The following CCDC60 variants were observed in gnomAD, a reference collection of about 807,000 sequenced individuals.
The protein encoded by CCDC60 is coiled-coil domain-containing protein 60.
Under a neutral mutation model 63.5 loss-of-function variants are expected in CCDC60, and 54 were observed. The ratio of observed to expected loss-of-function variants is 0.85; its 90% CI spans 0.68 to 1.07. CCDC60 has a LOEUF of 1.07. Among genes scored for constraint, CCDC60 ranks in the 50% least tolerant of loss-of-function variants. The pLI is 0.00. For missense variants in CCDC60, 651 were observed against 684.3 expected (o/e 0.95, Z 0.54); for synonymous variants, 206 against 238.8 (o/e 0.86, Z 1.27).
intron 1 of CCDC60, among the ~76,000 whole-genome samples, chr12:119,378,285 T>C (rs1371693384): frequency 6.6e-6 from 1 of 152,198 alleles, no homozygotes; most frequent in Non-Finnish European, 1.5e-5. Flanking sequence ...AGGTAGCCTT[T>C]TCCTATTGAC....
At chr12:119,385,581 C>A (rs1414402314) in intron 1 of CCDC60, among the ~76,000 whole-genome samples, 1 of 152,252 alleles carries the variant, frequency 6.6e-6, no homozygotes, top group East Asian at 1.9e-4. Flanking sequence ...CCATGTGGAA[C>A]TATGAGTCCA....
At chr12:119,452,950 G>A (rs1474948014) in intron 2 of CCDC60, among the ~76,000 whole-genome samples, 2 of 152,166 alleles carry the variant, frequency 1.3e-5, no homozygotes, top group African/African-American at 4.8e-5. Flanking sequence ...AACCTCCAGA[G>A]TAGCTGGGAT....
chr12:119,474,664 C>G (rs940463092), intron 3 of CCDC60, among the ~76,000 whole-genome samples: 11 of 152,136 alleles, frequency 7.2e-5, no homozygotes, highest in African/African-American at 2.7e-4. Flanking sequence ...CCACTACATT[C>G]TACTCTTTAA....
rs35584778 is a variant in CCDC60, at chr12:119,506,438, CAAAAAAAAAAAAA to C, written c.883+1148_883+1160del. 1.3e-3 allele frequency among the ~76,000 whole-genome samples: 117 copies of C among 87,400 alleles called. 1 individual carries two copies. In the South Asian group the frequency reaches 0.047, roughly 35 times the overall value. The allele number at this position is 87,400 out of a possible 152,430, so 57.3% of individuals were successfully genotyped here. A position where few individuals can be genotyped will look rare whatever the true frequency, so the allele number is the denominator to read the frequency against. ...GGCAACGTGGTGAAACCTCATCTCT[CAAAAAAAAAAAAA>C]AAAAAAAAAAAATTAGCCATGCATG... On this transcript the variant is annotated intron_variant, in intron 7 of 13. Transcript: ENST00000327554.
At chr12:119,373,668 G>T (rs1320615302) in intron 1 of CCDC60, among the ~76,000 whole-genome samples, 7 of 36,314 alleles carry the variant, frequency 1.9e-4, no homozygotes. Flanking sequence ...GGGGTGGGGT[G>T]GGGGGGGGTC....
At chr12:119,348,085 C>T (rs977253033) in intron 1 of CCDC60, among the ~76,000 whole-genome samples, 5 of 152,076 alleles carry the variant, frequency 3.3e-5, no homozygotes, top group East Asian at 1.9e-4. Flanking sequence ...ACATGACTGT[C>T]GCCTGTGTTG....
At chr12:119,521,963 T>A (rs994089753) in intron 9 of CCDC60, among the ~76,000 whole-genome samples, 2 of 152,198 alleles carry the variant, frequency 1.3e-5, no homozygotes, top group Admixed American at 6.5e-5. Context: ...CCAGGTCTAG[T>A]CCTGTGAGCT....
intron 1 of CCDC60, among the ~76,000 whole-genome samples, chr12:119,371,411 G>T (rs907584294): frequency 2.0e-5 from 3 of 152,190 alleles, no homozygotes; most frequent in Admixed American, 6.5e-5. Context: ...GGCCTGGATA[G>T]AGCAGTGGCT....
intron 2 of CCDC60, among the ~76,000 whole-genome samples, chr12:119,455,591 A>G (rs1441382405): frequency 1.3e-5 from 2 of 152,038 alleles, no homozygotes; most frequent in Non-Finnish European, 2.9e-5. Context: ...GGCGGGTCAC[A>G]GTGGTTCATG....
intron 8 of CCDC60, among the ~76,000 whole-genome samples, chr12:119,519,559 T>C (rs1952455109): frequency 6.6e-6 from 1 of 150,942 alleles, no homozygotes; most frequent in Non-Finnish European, 1.5e-5. Flanking sequence ...GCCTCCCTGG[T>C]TCAAGCGATT....
At chr12:119,386,897 G>T (rs538472801) in intron 1 of CCDC60, among the ~76,000 whole-genome samples, 1 of 152,010 alleles carries the variant, frequency 6.6e-6, no homozygotes, top group South Asian at 2.1e-4. Flanking sequence ...GAGCAGAGCC[G>T]GTGCTGGAAA....
intron 7 of CCDC60, among the ~76,000 whole-genome samples, chr12:119,512,854 A>T (rs1952250608): frequency 6.6e-6 from 1 of 152,196 alleles, no homozygotes; most frequent in Admixed American, 6.5e-5. Context: ...TGGCTGTCAT[A>T]GTTTTCTTCT....
In CCDC60 at chr12:119,513,720, T is replaced by C. The variant is rs1952275889; in HGVS notation, c.884-2903T>C. Among the ~76,000 whole-genome samples the C allele has an allele frequency of 2.0e-5, 3 of 152,304 alleles. No individual in the cohort carries two copies. In the South Asian group the frequency reaches 6.2e-4, roughly 32 times the overall value. On this transcript the variant is annotated intron_variant, in intron 7 of 13. Coordinates refer to ENST00000327554, the MANE Select transcript of CCDC60 (RefSeq NM_178499.5). Reference sequence around the variant, plus strand: ...AAGCTGAAAAATTCCTATTGCCTAATATATCTTAGCCATCATGATATCATA... The same window carrying C: ...AAGCTGAAAAATTCCTATTGCCTAACATATCTTAGCCATCATGATATCATA...
chr12:119,504,393 G>C (rs148416712), intron 6 of CCDC60, among the ~76,000 whole-genome samples: 157 of 152,062 alleles, frequency 1.0e-3, no homozygotes, highest in African/African-American at 3.7e-3. Context: ...AAAATCCACA[G>C]GACTTTCCCT....
rs567058974 is a variant in CCDC60 at position 119,398,354 on chromosome 12, G to A, written c.91-30329G>A. Among the ~76,000 whole-genome samples, 11 of 152,230 alleles carry A rather than the reference G, an allele frequency of 7.2e-5. No homozygotes were observed. In the East Asian group the frequency reaches 7.7e-4, roughly 11 times the overall value. On this transcript the variant is annotated intron_variant, in intron 1 of 13. Coordinates refer to ENST00000327554, the MANE Select transcript of CCDC60 (RefSeq NM_178499.5). ...CTAGTGCGTGGCCCTCCGAGCTTACGCCCACCCGGAACTCGTGCTGGCCTG... is the reference window on the plus strand; with the variant it reads ...CTAGTGCGTGGCCCTCCGAGCTTACACCCACCCGGAACTCGTGCTGGCCTG...
At chr12:119,445,380 G>C (rs1443182324) in intron 2 of CCDC60, among the ~76,000 whole-genome samples, 1 of 137,428 alleles carries the variant, frequency 7.3e-6, no homozygotes, top group Admixed American at 8.3e-5. Flanking sequence ...GTCGCAGTGA[G>C]CCGGGATCAC....
At chr12:119,427,468 T>C (rs969646010) in intron 1 of CCDC60, among the ~76,000 whole-genome samples, 2 of 152,244 alleles carry the variant, frequency 1.3e-5, no homozygotes, top group African/African-American at 2.4e-5. Flanking sequence ...CTGTCTTCTA[T>C]TGTGAGATGT....
At chr12:119,365,807 A>G (rs1398273719) in intron 1 of CCDC60, among the ~76,000 whole-genome samples, 1 of 152,194 alleles carries the variant, frequency 6.6e-6, no homozygotes, top group Non-Finnish European at 1.5e-5. Flanking sequence ...TGATTAGAAT[A>G]CCAGCGGAAG....
At chr12:119,536,515 G>T (rs944664013) in intron 13 of CCDC60, among the ~76,000 whole-genome samples, 5 of 152,154 alleles carry the variant, frequency 3.3e-5, no homozygotes, top group African/African-American at 1.2e-4. Flanking sequence ...AGCATCGATG[G>T]TCTTTACAAT....
Sources: gnomAD v4.1 joint callset for allele counts (sites outside exome capture counted in the v4.1 genomes callset) on GRCh38, gnomAD v4.1.1 for gene constraint, MANE v1.5 for transcripts, NCBI Gene and HGNC (gene_info 2026-07-23, HGNC 2026-07-21) for gene names.